TNS3: variants seen among roughly 807,000 people sequenced by gnomAD.
TNS3 encodes the protein tensin 3.
A neutral mutation model predicts 140.9 loss-of-function variants in TNS3; 45 were observed. That is an observed-to-expected ratio of 0.32 (90% CI 0.25 to 0.41). The LOEUF (loss-of-function observed/expected upper bound fraction) is 0.41, where lower values mean the gene tolerates loss of function less well. Among genes scored for constraint, TNS3 ranks in the 10% least tolerant of loss-of-function variants. The pLI is 1.00. For missense variants in TNS3, 1,716 were observed against 1,906.7 expected, an observed-to-expected ratio of 0.90 and a Z score of 1.86; for synonymous variants, 815 against 788.4, an observed-to-expected ratio of 1.03 and a Z score of -0.56.
At chr7:47,481,627 AAGAGTCTGAATGTGGC>A (rs1441345450) in intron 3 of TNS3, 1 of 980,476 alleles carries the variant, frequency 1.0e-6, no homozygotes, top group Non-Finnish European at 1.2e-6. Context: ...AGTAGAACTG[AAGAGTCTGAATGTGGC>A]AATGTCAACC....
chr7:47,368,752 T>A lies in TNS3; in HGVS notation c.1894A>T (p.Thr632Ser). 1 of 1,584,762 alleles carries A rather than the reference T, an allele frequency of 6.3e-7. No individual in the cohort carries two copies. Among genetic ancestry groups the A allele is most frequent in the Non-Finnish European group, 8.6e-7 (1 of 1,165,738 alleles). The change falls in exon 17 of 31, where the codon ACC (threonine) becomes TCC (serine). Residue 632 changes from threonine (T) to serine (S), a missense_variant. This residue lies in a region of TNS3 where 1,163 missense variants were observed against 1,182.1 expected (regional missense o/e 0.98). Transcript: ENST00000311160. ...CTACTGCTGGTCCCTCGGGTGGGGG[T>A]GAGTGGCACTCTGGGCTGGGCCTGG... ...LVQAQPRVPL[T>S]PTRGTSSRVA...
chr7:47,281,931 C>CCTGACT (rs1285541782), intron 28 of TNS3, among the ~76,000 whole-genome samples: 11 of 150,688 alleles, frequency 7.3e-5, no homozygotes, highest in Non-Finnish European at 1.5e-4. Context: ...TGCCCCTGAC[C>CCTGACT]CTGACCCTGA....
intron 4 of TNS3, among the ~76,000 whole-genome samples, chr7:47,464,179 T>C (rs77670503): frequency 0.012 from 1,778 of 152,280 alleles, 40 homozygotes; most frequent in African/African-American, 0.041. Context: ...TGCACTTCTT[T>C]TCCAGATTTA....
intron 8 of TNS3, among the ~76,000 whole-genome samples, chr7:47,428,633 T>G (rs1704968): frequency 1.3e-5 from 2 of 152,006 alleles, no homozygotes; most frequent in East Asian, 3.9e-4. Flanking sequence ...CCAGGAGGGC[T>G]GACCAACACA....
At chr7:47,452,247 G>C (rs1796047676) in intron 4 of TNS3, among the ~76,000 whole-genome samples, 1 of 152,196 alleles carries the variant, frequency 6.6e-6, no homozygotes, top group Non-Finnish European at 1.5e-5. Flanking sequence ...TTTAACAGTA[G>C]GAGAAACAAT....
At chr7:47,366,725 C>CCATGTGAAGCTGGGCAGGCCA (rs1790726759) in intron 17 of TNS3, among the ~76,000 whole-genome samples, 1 of 151,154 alleles carries the variant, frequency 6.6e-6, no homozygotes, top group Admixed American at 6.6e-5. Flanking sequence ...TATGCAGGTC[C>CCATGTGAAGCTGGGCAGGCCA]CATGTGAACC....
intron 4 of TNS3, among the ~76,000 whole-genome samples, chr7:47,454,739 C>A (rs1683741157): frequency 6.6e-6 from 1 of 152,152 alleles, no homozygotes; most frequent in South Asian, 2.1e-4. Context: ...TGGGAGTGTC[C>A]TCAACTGCAG....
chr7:47,313,974 C>T (rs1159832148), intron 20 of TNS3, among the ~76,000 whole-genome samples: 2 of 152,152 alleles, frequency 1.3e-5, no homozygotes, highest in Non-Finnish European at 2.9e-5. Context: ...AGGGGCTGCT[C>T]AAAGCATCAG....
intron 4 of TNS3, among the ~76,000 whole-genome samples, chr7:47,463,435 C>T (rs1562772642): frequency 6.6e-6 from 1 of 152,214 alleles, no homozygotes; most frequent in East Asian, 1.9e-4. Context: ...CAAAGAGAGA[C>T]CCTAATTTAA....
chr7:47,289,635 C>G (rs529175718), intron 27 of TNS3, among the ~76,000 whole-genome samples: 1 of 152,200 alleles, frequency 6.6e-6, no homozygotes, highest in Non-Finnish European at 1.5e-5. Context: ...ATTAAATACA[C>G]AATACCATTT....
chr7:47,534,274 C>G (rs1799523058), intron 1 of TNS3, among the ~76,000 whole-genome samples: 1 of 150,446 alleles, frequency 6.6e-6, no homozygotes, highest in Non-Finnish European at 1.5e-5. Context: ...GACTCCATCT[C>G]AAAAAAAAGA....
intron 3 of TNS3, among the ~76,000 whole-genome samples, chr7:47,486,350 G>C (rs1229296897): frequency 1.3e-5 from 2 of 152,010 alleles, no homozygotes; most frequent in Non-Finnish European, 2.9e-5. Context: ...TCATGTGTGT[G>C]TATTGATGTG....
chr7:47,510,972 T>C (rs529072475), intron 2 of TNS3, among the ~76,000 whole-genome samples: 9 of 152,264 alleles, frequency 5.9e-5, no homozygotes, highest in African/African-American at 1.9e-4. Context: ...TTTCCTGAGA[T>C]TGTATAACAA....
intron 7 of TNS3, among the ~76,000 whole-genome samples, chr7:47,436,067 G>T (rs1795165844): frequency 6.6e-6 from 1 of 152,172 alleles, no homozygotes; most frequent in South Asian, 2.1e-4. Context: ...AGGACAAGGA[G>T]CTCTATCTTA....
chr7:47,452,774 A>G (rs573422388), intron 4 of TNS3, among the ~76,000 whole-genome samples: 13 of 152,328 alleles, frequency 8.5e-5, no homozygotes, highest in Non-Finnish European at 1.8e-4. Context: ...CCCACCGAAC[A>G]TCTGCAGCAT....
intron 24 of TNS3, among the ~76,000 whole-genome samples, chr7:47,296,764 A>G (rs1445059735): frequency 1.3e-5 from 2 of 152,148 alleles, no homozygotes; most frequent in Admixed American, 1.3e-4. Context: ...TGGTTGCCCA[A>G]GGGAGGTGAC....
intron 2 of TNS3, among the ~76,000 whole-genome samples, chr7:47,526,279 G>A (rs1272966209): frequency 1.3e-5 from 2 of 152,172 alleles, no homozygotes; most frequent in African/African-American, 2.4e-5. Flanking sequence ...TGCAGCCCAA[G>A]CCACTGTGGT....
intron 2 of TNS3, among the ~76,000 whole-genome samples, chr7:47,509,497 A>G (rs1446550206): frequency 6.6e-6 from 1 of 151,588 alleles, no homozygotes; most frequent in African/African-American, 2.4e-5. Context: ...CCTCGTAAGC[A>G]CCTCTCGGGG....
intron 16 of TNS3, among the ~76,000 whole-genome samples, chr7:47,378,160 G>T (rs748213921): frequency 6.6e-6 from 1 of 151,962 alleles, no homozygotes; most frequent in South Asian, 2.1e-4. Flanking sequence ...GCAGGCATTG[G>T]GCAAACCCTC....
Sources: allele counts gnomAD v4.1 joint callset (sites outside exome capture counted in the v4.1 genomes callset), GRCh38; gene constraint gnomAD v4.1.1; regional missense constraint gnomAD v4.1.1; transcripts MANE v1.5; gene names NCBI Gene and HGNC (gene_info 2026-07-23, HGNC 2026-07-21).